The following THSD4 variants were observed in gnomAD, a reference collection of about 807,000 sequenced individuals.
THSD4 encodes thrombospondin type-1 domain-containing protein 4.
In THSD4, 69 loss-of-function variants were observed where a neutral mutation model predicts 119.0. That is an observed-to-expected ratio of 0.58 (90% confidence interval 0.48 to 0.71). The LOEUF is 0.71. Ranked by LOEUF, THSD4 falls within the 30% of genes least tolerant of loss-of-function variation. The pLI, the probability that THSD4 is intolerant of heterozygous loss-of-function variation, is 0.00. For synonymous variants in THSD4, 524 were observed against 540.4 expected, an observed-to-expected ratio of 0.97 and a Z score of 0.42; for missense variants, 1,393 against 1,391.1, an observed-to-expected ratio of 1.00 and a Z score of -0.02.
intron 6 of THSD4, among the ~76,000 whole-genome samples, chr15:71,367,232 T>C (rs2045977692): frequency 1.2e-5 from 1 of 80,946 alleles, no homozygotes; most frequent in Non-Finnish European, 2.3e-5. Flanking sequence ...TTTTTTTTAT[T>C]TTAAAAAAAT....
chr15:71,749,050 A>G (rs2053396249), intron 14 of THSD4, among the ~76,000 whole-genome samples: 1 of 152,248 alleles, frequency 6.6e-6, no homozygotes, highest in African/African-American at 2.4e-5. Context: ...GTCAACCATT[A>G]GCCCACCAGT....
In THSD4 at chr15:71,665,953, T is replaced by C. The variant is rs143868528; in HGVS notation, c.1357+5219T>C. On this transcript the variant is annotated intron_variant, in intron 8 of 17. Coordinates refer to ENST00000261862, the MANE Select transcript of THSD4 (RefSeq NM_024817.3). Reference sequence around the variant, plus strand: ...AGGTAACGTGATGCTTCCAGCCTTGTTCTTTTTGCTTAGGATTGCCTTGGC... The same window carrying C: ...AGGTAACGTGATGCTTCCAGCCTTGCTCTTTTTGCTTAGGATTGCCTTGGC... Among the ~76,000 whole-genome samples the C allele has an allele frequency of 4.6e-5, 7 of 152,358 alleles. No individual in the cohort carries two copies. In the East Asian group the frequency reaches 1.3e-3, roughly 29 times the overall value.
intron 6 of THSD4, among the ~76,000 whole-genome samples, chr15:71,289,223 C>G (rs543299232): frequency 6.6e-6 from 1 of 152,190 alleles, no homozygotes; most frequent in South Asian, 2.1e-4. Context: ...GGCAAGACTC[C>G]CAGGACCCCA....
chr15:71,204,282 G>T (rs1223619245), intron 3 of THSD4, among the ~76,000 whole-genome samples: 4 of 152,304 alleles, frequency 2.6e-5, no homozygotes, highest in African/African-American at 9.6e-5. Context: ...CGATTATGCA[G>T]ATCACATCCA....
At chr15:71,245,800 C>T (rs2044194742) in intron 5 of THSD4, among the ~76,000 whole-genome samples, 5 of 152,168 alleles carry the variant, frequency 3.3e-5, no homozygotes, top group Non-Finnish European at 7.4e-5. Flanking sequence ...CGGTGAGCCA[C>T]TCCTATCATT....
intron 7 of THSD4, among the ~76,000 whole-genome samples, chr15:71,439,717 C>G (rs142605731): frequency 6.6e-6 from 1 of 152,278 alleles, no homozygotes; most frequent in Non-Finnish European, 1.5e-5. Flanking sequence ...TTTGCAGGGA[C>G]ATGGACGAAG....
chr15:71,699,079 T>G (rs1478304208), intron 8 of THSD4, among the ~76,000 whole-genome samples: 2 of 152,230 alleles, frequency 1.3e-5, no homozygotes, highest in Admixed American at 6.5e-5. Context: ...TTAAGTATTC[T>G]TATCATAAAA....
chr15:71,773,189 A>G (rs1479231056), intron 17 of THSD4, among the ~76,000 whole-genome samples: 3 of 133,276 alleles, frequency 2.3e-5, no homozygotes, highest in African/African-American at 8.4e-5. Context: ...AGACAGAGTG[A>G]GACCATGTCT....
At chr15:71,378,473 G>A (rs1257136764) in intron 6 of THSD4, among the ~76,000 whole-genome samples, 1 of 152,182 alleles carries the variant, frequency 6.6e-6, no homozygotes, top group Non-Finnish European at 1.5e-5. Flanking sequence ...CTTGTTGTGT[G>A]AGAAGACCTC....
chr15:71,727,894 C>G (rs190368300), intron 8 of THSD4, among the ~76,000 whole-genome samples: 1 of 151,484 alleles, frequency 6.6e-6, no homozygotes, highest in Non-Finnish European at 1.5e-5. Context: ...GAGACTTAAC[C>G]TCAGTGTTGG....
At chr15:71,630,228 C>G (rs578225189) in intron 7 of THSD4, among the ~76,000 whole-genome samples, 10 of 152,156 alleles carry the variant, frequency 6.6e-5, no homozygotes, top group Non-Finnish European at 1.5e-4. Context: ...ACAAGCACTT[C>G]TTAGGCAAAT....
chr15:71,238,033 C>T (rs2044120357), intron 4 of THSD4, among the ~76,000 whole-genome samples: 2 of 151,946 alleles, frequency 1.3e-5, no homozygotes, highest in Non-Finnish European at 2.9e-5. Flanking sequence ...TCATGTTCTT[C>T]TCATAGAGCC....
intron 7 of THSD4, among the ~76,000 whole-genome samples, chr15:71,508,937 A>ATTTTT (rs56074729): frequency 0.11 from 15,304 of 143,854 alleles, 995 homozygotes; most frequent in African/African-American, 0.17. Context: ...AAAAGGATGG[A>ATTTTT]TTTTTTTTTT....
At chr15:71,307,898 G>A (rs2045053443) in intron 6 of THSD4, among the ~76,000 whole-genome samples, 1 of 152,218 alleles carries the variant, frequency 6.6e-6, no homozygotes, top group African/African-American at 2.4e-5. Flanking sequence ...CAGGATTCTA[G>A]GGATCCCCTC....
At chr15:71,550,597 C>T (rs923740871) in intron 7 of THSD4, among the ~76,000 whole-genome samples, 11 of 152,064 alleles carry the variant, frequency 7.2e-5, no homozygotes, top group African/African-American at 2.2e-4. Flanking sequence ...CCGCCACGCC[C>T]GGCTAATTTT....
chr15:71,423,323 C>G (rs1053163219), intron 7 of THSD4, among the ~76,000 whole-genome samples: 4 of 152,168 alleles, frequency 2.6e-5, no homozygotes, highest in African/African-American at 9.7e-5. Context: ...TAGCAGATCT[C>G]AGAGTCTTAC....
At chr15:71,571,310 C>G (rs1359756999) in intron 7 of THSD4, among the ~76,000 whole-genome samples, 1 of 151,928 alleles carries the variant, frequency 6.6e-6, no homozygotes, top group Non-Finnish European at 1.5e-5. Flanking sequence ...AAGGGCTTCC[C>G]TGAGGGGTAG....
In THSD4 at chr15:71,471,091, G is replaced by A. The variant is rs1291758833; in HGVS notation, c.1152+59268G>A. Among the ~76,000 whole-genome samples the A allele has an allele frequency of 7.2e-5, 11 of 152,278 alleles. No homozygotes were observed. The South Asian group carries it at 2.1e-3, about 29-fold the overall frequency. On this transcript the variant is annotated intron_variant, in intron 7 of 17. Transcript: ENST00000261862. ...TTGCTGGTTTTGGGATAACCCCTTGGCCTTGATGCCTGTCGGTTCCTGCAC... is the reference window on the plus strand; with the variant it reads ...TTGCTGGTTTTGGGATAACCCCTTGACCTTGATGCCTGTCGGTTCCTGCAC...
chr15:71,561,877 C>CACAG (rs1164114177), intron 7 of THSD4, among the ~76,000 whole-genome samples: 43 of 37,414 alleles, frequency 1.1e-3, no homozygotes, highest in African/African-American at 4.4e-3. Flanking sequence ...CACACACACA[C>CACAG]ACACACACAC....
Sources: allele counts gnomAD v4.1 joint callset (sites outside exome capture counted in the v4.1 genomes callset), GRCh38; gene constraint gnomAD v4.1.1; transcripts MANE v1.5; gene names NCBI Gene and HGNC (gene_info 2026-07-23, HGNC 2026-07-21).